Variants in HMOX1 observed in about 807,000 individuals in gnomAD.
HMOX1 encodes heme oxygenase 1.
Under a neutral mutation model 27.8 loss-of-function variants are expected in HMOX1, and 22 were observed. The ratio of observed to expected loss-of-function variants is 0.79; its 90% CI spans 0.57 to 1.13. HMOX1 has a LOEUF of 1.13. HMOX1 is among the 50% of genes most tolerant of loss of function. The pLI is 0.00. For missense variants in HMOX1, 379 were observed against 377.7 expected (o/e 1.00, Z -0.03); for synonymous variants, 153 against 151.6 (o/e 1.01, Z -0.07).
At chr22:35,391,174 C>T (rs5995098) in intron 4 of HMOX1, among the ~76,000 whole-genome samples, 1 of 151,970 alleles carries the variant, frequency 6.6e-6, no homozygotes, top group African/African-American at 2.4e-5. Context: ...GAGACGTCAC[C>T]CTAATGAAGC....
At chr22:35,382,535 GTA>G (rs1931408280) in intron 1 of HMOX1, among the ~76,000 whole-genome samples, 1 of 100,014 alleles carries the variant, frequency 1.0e-5, no homozygotes, top group African/African-American at 4.6e-5. Flanking sequence ...TTTTTTTTTT[GTA>G]TTTTTAGTAG....
chr22:35,384,698 C>T (rs571580067), intron 2 of HMOX1, among the ~76,000 whole-genome samples: 1 of 150,922 alleles, frequency 6.6e-6, no homozygotes, highest in African/African-American at 2.4e-5. Context: ...CTCATGTGAG[C>T]GCTAAGTGCC....
At chr22:35,383,332 C>A in intron 2 of HMOX1, 106 bp downstream of exon 2, 2 of 1,251,440 alleles carry the variant, frequency 1.6e-6, no homozygotes, top group Non-Finnish European at 2.3e-6. Context: ...ACCAGATGGG[C>A]ATGTCCAATA....
chr22:35,387,236 C>G, intron 3 of HMOX1, 60 bp downstream of exon 3: 1 of 1,601,788 alleles, frequency 6.2e-7, no homozygotes, highest in Non-Finnish European at 8.5e-7. Context: ...CCAAGGGACC[C>G]TTCTCATTGT....
At chr22:35,391,274 A>G (rs936943852) in intron 4 of HMOX1, among the ~76,000 whole-genome samples, 9 of 148,446 alleles carry the variant, frequency 6.1e-5, no homozygotes, top group Non-Finnish European at 1.2e-4. Flanking sequence ...TTTTTATAAC[A>G]CTACTACTAT....
In HMOX1 at chr22:35,389,924, G is replaced by A. The variant is rs771466012; in HGVS notation, c.697G>A (p.Ala233Thr). 6.2e-7 allele frequency: 1 copy of A among 1,612,090 alleles called. No homozygotes were observed. Among genetic ancestry groups the A allele is most frequent in the Non-Finnish European group, 8.5e-7 (1 of 1,179,764 alleles). Reference protein sequence around the residue: ...HDTKDQSPSRAPGLRQRASNK... With the variant: ...HDTKDQSPSRTPGLRQRASNK... The stretch of plus-strand genomic sequence containing the variant: ...CACCAAGGACCAGAGCCCCTCACGG[G>A]CACCAGGGCTTCGCCAGCGGGCCAG... The change falls in exon 4 of 5, where the codon GCA (alanine) becomes ACA (threonine). Residue 233 changes from alanine to threonine, a missense_variant. By Grantham distance (58) the Ala-to-Thr change is moderately conservative. Transcript: ENST00000216117.
At chr22:35,389,130 A>T (rs1931584344) in intron 3 of HMOX1, among the ~76,000 whole-genome samples, 1 of 152,152 alleles carries the variant, frequency 6.6e-6, no homozygotes, top group East Asian at 1.9e-4. Context: ...AAGAGCAGGC[A>T]GGGGAGCCAA....
intron 4 of HMOX1, among the ~76,000 whole-genome samples, chr22:35,392,303 T>C (rs1025714991): frequency 4.6e-5 from 7 of 152,148 alleles, no homozygotes; most frequent in Non-Finnish European, 1.0e-4. Flanking sequence ...GTGATAGCTA[T>C]ACTCACACAA....
chr22:35,388,001 C>T (rs971632729), intron 3 of HMOX1, among the ~76,000 whole-genome samples: 5 of 152,122 alleles, frequency 3.3e-5, no homozygotes, highest in Non-Finnish European at 5.9e-5. Flanking sequence ...CAGTGGCTCG[C>T]GCCTGTAATC....
chr22:35,381,309 CTT>C, intron 1 of HMOX1, 113 bp downstream of exon 1: 1 of 1,319,224 alleles, frequency 7.6e-7, no homozygotes, highest in Non-Finnish European at 1.0e-6. Context: ...GAGCCAGAAA[CTT>C]GGGCTCTGGA....
chr22:35,385,434 T>TTA (rs1931478492), intron 2 of HMOX1, among the ~76,000 whole-genome samples: 3 of 104,000 alleles, frequency 2.9e-5, no homozygotes. Context: ...CTTTGTTGGA[T>TTA]TTTTTTTTTT....
chr22:35,394,030 G>T lies in HMOX1; in HGVS notation c.*432G>T. ...CTTGTGTTTTTGTCTTATTTTTGTT[G>T]GAGCCACTCTGTTCCTGGCTCAGCC... On this transcript the variant is annotated 3_prime_UTR_variant, in exon 5 of 5. Transcript: ENST00000216117. 3.3e-6 allele frequency: 1 copy of T among 304,848 alleles called. No individual in the cohort carries two copies. The highest frequency in any genetic ancestry group is 6.4e-6 in the Non-Finnish European group (1 of 155,326). 18.9% of individuals were successfully genotyped at this position (304,848 alleles called of 1,614,324 possible).
At chr22:35,388,576 A>C (rs1601742498) in intron 3 of HMOX1, among the ~76,000 whole-genome samples, 1 of 152,066 alleles carries the variant, frequency 6.6e-6, no homozygotes, top group African/African-American at 2.4e-5. Flanking sequence ...TCACGAAGTC[A>C]GGAGATCGAG....
At chr22:35,389,068 G>C (rs1453707831) in intron 3 of HMOX1, among the ~76,000 whole-genome samples, 1 of 152,136 alleles carries the variant, frequency 6.6e-6, no homozygotes, top group Non-Finnish European at 1.5e-5. Context: ...TAAGGACATG[G>C]GCGGCCACAG....
Position 35,386,854 on chromosome 22 carries a change from T to C in HMOX1, c.314T>C (p.Ile105Thr), listed in dbSNP as rs141643776. Residue 105 changes from isoleucine (I) to threonine (T), a missense_variant, in exon 3 of 5, where the codon ATC (isoleucine) becomes ACC (threonine). Physicochemically the swap from Ile to Thr is moderately conservative, Grantham distance 89. Coordinates refer to ENST00000216117, the MANE Select transcript of HMOX1 (RefSeq NM_002133.3). ...TACGGGCCCCGCTGGCAGGAGGTCA[T>C]CCCCTACACACCAGCCATGCAGCGC... The part of the protein sequence containing the change: ...FWYGPRWQEV[I>T]PYTPAMQRYV... The C allele has an allele frequency of 3.1e-6, 5 of 1,614,008 alleles. No individual in the cohort carries two copies. The highest frequency in any genetic ancestry group is 4.2e-6 in the Non-Finnish European group (5 of 1,180,024).
In HMOX1 at chr22:35,383,238, G is replaced by A; in HGVS notation, c.144+12G>A. The stretch of plus-strand genomic sequence containing the variant: ...GAGACGGCTTCAAGGTATGTGGCTT[G>A]GTGGGACTAGCCCTGGTGGAGGGTG... On this transcript the variant is annotated intron_variant, in intron 2 of 4. Transcript: ENST00000216117. 1.9e-6 allele frequency: 3 copies of A among 1,612,584 alleles called. No individual in the cohort carries two copies. Among genetic ancestry groups the A allele is most frequent in the Non-Finnish European group, 2.5e-6 (3 of 1,178,956 alleles).
intron 3 of HMOX1, among the ~76,000 whole-genome samples, chr22:35,389,391 CCTTCCTTT>C (rs1375345435): frequency 0.018 from 877 of 49,618 alleles, 4 homozygotes; most frequent in South Asian, 0.034. Flanking sequence ...TTCCTTCCTT[CCTTCCTTT>C]CTTTCTTTCT....
intron 4 of HMOX1, among the ~76,000 whole-genome samples, chr22:35,390,862 A>G (rs964508274): frequency 2.6e-5 from 4 of 152,094 alleles, no homozygotes; most frequent in African/African-American, 9.7e-5. Context: ...CCCCTCCCTC[A>G]TGTGCCTAAG....
chr22:35,390,287 G>A (rs1231801523), intron 4 of HMOX1: 5 of 377,532 alleles, frequency 1.3e-5, no homozygotes, highest in South Asian at 4.3e-5. Context: ...GCAGTGGCGC[G>A]ATCTCAGCTC....
Sources: allele counts gnomAD v4.1 joint callset (sites outside exome capture counted in the v4.1 genomes callset), GRCh38; gene constraint gnomAD v4.1.1; transcripts MANE v1.5; gene names NCBI Gene and HGNC (gene_info 2026-07-23, HGNC 2026-07-21).